The following TBC1D5 variants were observed in gnomAD, a reference collection of about 807,000 sequenced individuals.
The protein encoded by TBC1D5 is TBC1 domain family member 5, also known as TBC1 domain family, member 5.
In TBC1D5, 75 loss-of-function variants were observed where a neutral mutation model predicts 100.3. That is an observed-to-expected ratio of 0.75 (90% CI 0.62 to 0.91). TBC1D5 has a LOEUF of 0.91. Ranked by LOEUF, TBC1D5 falls within the 40% of genes least tolerant of loss-of-function variation. The pLI, the probability that TBC1D5 is intolerant of heterozygous loss-of-function variation, is 0.00. For synonymous variants in TBC1D5, 323 were observed against 325.6 expected (o/e 0.99, Z 0.09); for missense variants, 910 against 942.4 (o/e 0.97, Z 0.45).
At chr3:17,231,951 C>A (rs913714301) in intron 17 of TBC1D5, among the ~76,000 whole-genome samples, 1 of 152,106 alleles carries the variant, frequency 6.6e-6, no homozygotes, top group Non-Finnish European at 1.5e-5. Context: ...GTAGGCTTAA[C>A]TGGGTCACCT....
intron 1 of TBC1D5, among the ~76,000 whole-genome samples, chr3:17,684,589 CTA>C (rs746886141): frequency 1.8e-4 from 27 of 151,946 alleles, no homozygotes; most frequent in Non-Finnish European, 3.4e-4. Context: ...AATAACTGCT[CTA>C]TGTTACGAAA....
rs188350534 is a variant in TBC1D5 at position 17,701,535 on chromosome 3, G to A, written c.-101+37808C>T. On this transcript the variant is annotated intron_variant, in intron 1 of 21. Coordinates refer to ENST00000253692, the Ensembl canonical transcript of TBC1D5. ...CTGTAGTTCCAGCTACTACAGAGGC[G>A]GAGTTGGGAAGATCGCTTGAGCCCA... Among the ~76,000 whole-genome samples the A allele has an allele frequency of 3.6e-3, 551 of 152,194 alleles. 5 individuals carry two copies. The highest frequency in any genetic ancestry group is 0.012 in the African/African-American group (504 of 41,506).
chr3:17,553,033 A>G (rs1016761641), intron 2 of TBC1D5, among the ~76,000 whole-genome samples: 1 of 152,158 alleles, frequency 6.6e-6, no homozygotes, highest in African/African-American at 2.4e-5. Context: ...CAAACTCAGT[A>G]AAAAATACAA....
chr3:17,739,339 T>G (rs1489509664), intron 1 of TBC1D5: 1 of 152,236 alleles, frequency 6.6e-6, no homozygotes, highest in Non-Finnish European at 1.5e-5. Flanking sequence ...ATTATTCAAC[T>G]TACTTTTATT....
chr3:17,312,992 C>T (rs998040008), intron 13 of TBC1D5, among the ~76,000 whole-genome samples: 2 of 152,154 alleles, frequency 1.3e-5, no homozygotes, highest in Admixed American at 6.6e-5. Flanking sequence ...ATTTGGCTTA[C>T]AAGTATGGTA....
chr3:17,643,026 C>T lies in TBC1D5; in HGVS notation c.-100-19113G>A, dbSNP rs555203136. ...TAAACTGTGGGTCTTACTCAAATTT[C>T]GTCAGTTACGCCACTAATGACTTTT... On this transcript the variant is annotated intron_variant, in intron 1 of 21. Transcript: ENST00000253692. 3.9e-5 allele frequency among the ~76,000 whole-genome samples: 6 copies of T among 152,122 alleles called. No homozygotes were observed. In the South Asian group the frequency reaches 8.3e-4, roughly 21 times the overall value.
intron 3 of TBC1D5, among the ~76,000 whole-genome samples, chr3:17,468,200 T>C (rs1220002069): frequency 2.0e-5 from 3 of 152,136 alleles, no homozygotes; most frequent in Non-Finnish European, 2.9e-5. Context: ...CTAACATCAA[T>C]TGAAGATTAG....
intron 3 of TBC1D5, among the ~76,000 whole-genome samples, chr3:17,464,127 T>C (rs577909988): frequency 6.6e-6 from 1 of 151,972 alleles, no homozygotes; most frequent in African/African-American, 2.4e-5. Flanking sequence ...AATTTTGTAG[T>C]TTTAGTAGAG....
At chr3:17,227,899 A>C (rs2075066260) in intron 17 of TBC1D5, among the ~76,000 whole-genome samples, 1 of 151,782 alleles carries the variant, frequency 6.6e-6, no homozygotes, top group Non-Finnish European at 1.5e-5. Flanking sequence ...TGGTACCCTA[A>C]ACATGAGCTT....
upstream of TBC1D5, among the ~76,000 whole-genome samples, chr3:17,742,000 G>A (rs1262231497): frequency 6.6e-6 from 1 of 152,006 alleles, no homozygotes; most frequent in Non-Finnish European, 1.5e-5. Flanking sequence ...GGAAGGAAGC[G>A]TGCTTCCCGG....
At chr3:17,722,402 G>A (rs2075780715) in intron 1 of TBC1D5, among the ~76,000 whole-genome samples, 1 of 151,930 alleles carries the variant, frequency 6.6e-6, no homozygotes, top group Admixed American at 6.6e-5. Context: ...TATACCTTAT[G>A]TACATAGCCT....
chr3:17,527,391 G>T (rs1200938449), intron 2 of TBC1D5, among the ~76,000 whole-genome samples: 1 of 152,168 alleles, frequency 6.6e-6, no homozygotes. Context: ...GGGGGAAAAA[G>T]AAGGGGAAAC....
At chr3:17,221,347 C>T (rs1157234226) in intron 17 of TBC1D5, among the ~76,000 whole-genome samples, 1 of 151,884 alleles carries the variant, frequency 6.6e-6, no homozygotes, top group South Asian at 2.1e-4. Context: ...AGGTTTGTTA[C>T]ATATGTATAC....
At chr3:17,326,370 T>C (rs529563757) in intron 13 of TBC1D5, among the ~76,000 whole-genome samples, 1 of 152,354 alleles carries the variant, frequency 6.6e-6, no homozygotes, top group South Asian at 2.1e-4. Context: ...GTTCCATTCA[T>C]TCTGATAAGC....
intron 15 of TBC1D5, among the ~76,000 whole-genome samples, chr3:17,261,640 A>G (rs1392221276): frequency 6.6e-6 from 1 of 152,050 alleles, no homozygotes; most frequent in East Asian, 1.9e-4. Context: ...CTCCCACCTC[A>G]GCCTCCTGGT....
At chr3:17,496,224 C>T (rs894993562) in intron 3 of TBC1D5, among the ~76,000 whole-genome samples, 2 of 152,152 alleles carry the variant, frequency 1.3e-5, no homozygotes, top group Non-Finnish European at 2.9e-5. Context: ...ATTGTGAGAA[C>T]ACATTGACAT....
At chr3:17,560,412 G>C (rs2096550883) in intron 2 of TBC1D5, among the ~76,000 whole-genome samples, 1 of 152,096 alleles carries the variant, frequency 6.6e-6, no homozygotes, top group Admixed American at 6.5e-5. Flanking sequence ...GAAGCCAGGA[G>C]TTCAAGACTA....
intron 1 of TBC1D5, among the ~76,000 whole-genome samples, chr3:17,709,928 C>T (rs939056603): frequency 1.3e-5 from 2 of 152,060 alleles, no homozygotes; most frequent in Admixed American, 6.5e-5. Flanking sequence ...CTACACCCCA[C>T]GGCCAAGCAA....
intron 15 of TBC1D5, among the ~76,000 whole-genome samples, chr3:17,259,708 G>C (rs2078083374): frequency 2.1e-5 from 2 of 95,582 alleles, no homozygotes; most frequent in African/African-American, 3.7e-5. Context: ...CTTGCATGCA[G>C]GCACGGGGGG....
Sources: gnomAD v4.1 joint callset for allele counts (sites outside exome capture counted in the v4.1 genomes callset) on GRCh38, gnomAD v4.1.1 for gene constraint, MANE v1.5 for transcripts, NCBI Gene and HGNC (gene_info 2026-07-23, HGNC 2026-07-21) for gene names.